Variants in STARD13 observed in about 807,000 individuals in gnomAD.
STARD13 encodes stAR-related lipid transfer protein 13.
In STARD13, 62 loss-of-function variants were observed where a neutral mutation model predicts 106.4. The observed-to-expected ratio is 0.58, with a 90% CI of 0.48 to 0.72. STARD13 has a LOEUF of 0.72. Among genes scored for constraint, STARD13 ranks in the 30% least tolerant of loss-of-function variants. STARD13 has a pLI of 0.00. For missense variants in STARD13, 1,387 were observed against 1,424.0 expected (o/e 0.97, Z 0.42); for synonymous variants, 565 against 553.0 (o/e 1.02, Z -0.31).
At chr13:33,672,872 T>A in the STARD13 span, among the ~76,000 whole-genome samples, 1 of 152,386 alleles carries the variant, frequency 6.6e-6, no homozygotes, top group East Asian at 1.9e-4. Context: ...TATAACTATA[T>A]TGATTATTTC....
At chr13:33,396,093 T>C in the STARD13 span, among the ~76,000 whole-genome samples, 4 of 152,322 alleles carry the variant, frequency 2.6e-5, no homozygotes, top group Non-Finnish European at 5.9e-5. Context: ...GTTCAAGTGA[T>C]CTTCCAGCTT....
the STARD13 span, among the ~76,000 whole-genome samples, chr13:33,450,527 C>A: frequency 1.3e-5 from 2 of 151,982 alleles, no homozygotes; most frequent in Admixed American, 6.6e-5. Flanking sequence ...CTGAAGTTTT[C>A]TTTTTTGGTT....
chr13:33,621,923 G>A, the STARD13 span, among the ~76,000 whole-genome samples: 5 of 150,952 alleles, frequency 3.3e-5, no homozygotes, highest in Admixed American at 3.3e-4. Context: ...TCCTACCTCA[G>A]CCTCCTGAGT....
chr13:33,621,156 T>C, the STARD13 span, among the ~76,000 whole-genome samples: 170 of 151,760 alleles, frequency 1.1e-3, no homozygotes, highest in African/African-American at 3.8e-3. Context: ...GTGTAAACAA[T>C]AAAGAAAATT....
chr13:33,245,403 A>T (rs1594159497), intron 1 of STARD13, among the ~76,000 whole-genome samples: 1 of 152,160 alleles, frequency 6.6e-6, no homozygotes, highest in East Asian at 1.9e-4. Flanking sequence ...AATGCAAAAG[A>T]CTCGTGCTTT....
At position 33,130,275 on chromosome 13, in the gene STARD13, A is replaced by T. The variant is rs140450282; in HGVS notation, c.402T>A (p.Asp134Glu). ...NFQRKKGDDS[D>E]EEDLCISNKW... is the part of the protein sequence containing the mutation. ...TGTTGCTGATACAAAGATCTTCCTC[A>T]TCGGAGTCGTCACCCTGCAGAGCAC... Residue 134 changes from aspartate to glutamate, a missense_variant, in exon 5 of 14, where the codon GAT (aspartate) becomes GAA (glutamate). By Grantham distance (45) the Asp-to-Glu change is conservative. Transcript: ENST00000336934. The surrounding 1 kb of genome is among the most constrained non-coding windows in gnomAD (Gnocchi z 4.1). 6.2e-7 allele frequency: 1 copy of T among 1,601,370 alleles called. No homozygotes were observed. Among genetic ancestry groups the T allele is most frequent in the South Asian group, 1.1e-5 (1 of 91,054 alleles).
chr13:33,176,806 G>C (rs1057226511), intron 1 of STARD13, among the ~76,000 whole-genome samples: 1 of 152,032 alleles, frequency 6.6e-6, no homozygotes, highest in Non-Finnish European at 1.5e-5. Flanking sequence ...GTTAATTGAG[G>C]CATCCCATAA....
At chr13:33,594,021 C>G in the STARD13 span, among the ~76,000 whole-genome samples, 1 of 152,200 alleles carries the variant, frequency 6.6e-6, no homozygotes, top group South Asian at 2.1e-4. Flanking sequence ...GTTCTCCTGC[C>G]TCAGCCTCCC....
chr13:33,660,189 A>G, the STARD13 span, among the ~76,000 whole-genome samples: 1 of 150,564 alleles, frequency 6.6e-6, no homozygotes, highest in African/African-American at 2.4e-5. Flanking sequence ...ACTGATTTGT[A>G]CTTGTGGGGG....
chr13:33,213,521 T>C (rs1887843992), intron 1 of STARD13, among the ~76,000 whole-genome samples: 1 of 152,204 alleles, frequency 6.6e-6, no homozygotes, highest in Non-Finnish European at 1.5e-5. Context: ...TTTGTTTCTG[T>C]TGCCAAGGAA....
chr13:33,471,323 G>T, the STARD13 span, among the ~76,000 whole-genome samples: 8 of 152,314 alleles, frequency 5.3e-5, no homozygotes, highest in East Asian at 1.5e-3. Flanking sequence ...TGCTGGAAAG[G>T]TCTTTCTGCA....
the STARD13 span, among the ~76,000 whole-genome samples, chr13:33,601,183 A>T: frequency 1.4e-5 from 2 of 147,946 alleles, no homozygotes; most frequent in African/African-American, 5.0e-5. Context: ...AAATTCAACC[A>T]TTTTTTTTCC....
intron 1 of STARD13, among the ~76,000 whole-genome samples, chr13:33,248,897 T>C (rs1398345930): frequency 2.0e-5 from 3 of 152,210 alleles, no homozygotes; most frequent in Non-Finnish European, 4.4e-5. Context: ...TATCATCTAG[T>C]TTTCTTTAAA....
At chr13:33,268,031 A>C (rs771619126) in intron 1 of STARD13, among the ~76,000 whole-genome samples, 4 of 152,328 alleles carry the variant, frequency 2.6e-5, no homozygotes, top group East Asian at 1.9e-4. Flanking sequence ...GTTGGACTTG[A>C]AATATTAAGA....
At chr13:33,314,069 C>G (rs573488550) in intron 1 of STARD13, among the ~76,000 whole-genome samples, 3 of 152,246 alleles carry the variant, frequency 2.0e-5, no homozygotes, top group African/African-American at 7.2e-5. Context: ...GTCAACCCTG[C>G]CATCAGTGCG....
chr13:33,662,798 C>T, the STARD13 span, among the ~76,000 whole-genome samples: 2,068 of 152,192 alleles, frequency 0.014, 40 homozygotes, highest in African/African-American at 0.046. Flanking sequence ...CAGCTACAAC[C>T]CTATTGGTCA....
chr13:33,620,432 G>A, the STARD13 span, among the ~76,000 whole-genome samples: 2 of 151,690 alleles, frequency 1.3e-5, no homozygotes, highest in Non-Finnish European at 2.9e-5. Context: ...ACAGGTGCCC[G>A]CCACCACACC....
intron 1 of STARD13, among the ~76,000 whole-genome samples, chr13:33,227,470 T>C (rs1486741832): frequency 6.6e-6 from 1 of 152,190 alleles, no homozygotes; most frequent in African/African-American, 2.4e-5. Flanking sequence ...GTCCAATTCT[T>C]AGGGAAAAGA....
chr13:33,287,940 C>T (rs929260412), upstream of STARD13, among the ~76,000 whole-genome samples: 4 of 152,050 alleles, frequency 2.6e-5, no homozygotes, highest in African/African-American at 4.8e-5. Flanking sequence ...GGAAAAAATA[C>T]GTAGCTTTTT....
Sources: gnomAD v4.1 joint callset for allele counts (sites outside exome capture counted in the v4.1 genomes callset) on GRCh38, gnomAD v4.1.1 for gene constraint, Gnocchi (gnomAD v3.1) non-coding constraint, MANE v1.5 for transcripts, NCBI Gene and HGNC (gene_info 2026-07-23, HGNC 2026-07-21) for gene names.